KCNK9: variants seen among roughly 807,000 people sequenced by gnomAD.
The protein encoded by KCNK9 is potassium two pore domain channel subfamily K member 9.
In KCNK9, 1 loss-of-function variant was observed where a neutral mutation model predicts 10.8. The observed-to-expected ratio is 0.09, with a 90% CI of 0.03 to 0.44. The LOEUF is 0.44. Among genes scored for constraint, KCNK9 ranks in the 20% least tolerant of loss-of-function variants. KCNK9 has a pLI of 0.97. For missense variants in KCNK9, 303 were observed against 515.0 expected (o/e 0.59, Z 3.98); for synonymous variants, 231 against 222.7 (o/e 1.04, Z -0.33).
intron 1 of KCNK9, among the ~76,000 whole-genome samples, chr8:139,623,150 C>A: frequency 6.6e-6 from 1 of 152,126 alleles, no homozygotes; most frequent in East Asian, 1.9e-4. Flanking sequence ...ATAGAAAATG[C>A]ATGTATGCTG....
intron 2 of KCNK9, among the ~76,000 whole-genome samples, chr8:139,606,843 T>A (rs768494812): frequency 8.5e-5 from 13 of 152,196 alleles, no homozygotes; most frequent in Admixed American, 2.0e-4. Flanking sequence ...TTAATCTGTT[T>A]TCTTATTTAA....
intron 1 of KCNK9, among the ~76,000 whole-genome samples, chr8:139,620,024 C>T (rs1057507194): frequency 2.6e-5 from 4 of 152,158 alleles, no homozygotes; most frequent in Non-Finnish European, 4.4e-5. Flanking sequence ...TGCAGGGAAT[C>T]CAAGTCAAGA....
At chr8:139,638,878 C>T (rs1316089511) in intron 1 of KCNK9, among the ~76,000 whole-genome samples, 1 of 152,188 alleles carries the variant, frequency 6.6e-6, no homozygotes, top group African/African-American at 2.4e-5. Flanking sequence ...CGCAGGAGGC[C>T]TGGAGCGAGT....
At chr8:139,619,855 C>T (rs911532127) in intron 1 of KCNK9, among the ~76,000 whole-genome samples, 1 of 152,160 alleles carries the variant, frequency 6.6e-6, no homozygotes, top group African/African-American at 2.4e-5. Flanking sequence ...TGCTGTATTC[C>T]CCCATACCTA....
intron 1 of KCNK9, among the ~76,000 whole-genome samples, chr8:139,624,304 G>A (rs1240822184): frequency 6.6e-6 from 1 of 152,216 alleles, no homozygotes; most frequent in Non-Finnish European, 1.5e-5. Context: ...GCTGGTGACA[G>A]ACAGCACTGA....
intron 1 of KCNK9, among the ~76,000 whole-genome samples, chr8:139,665,999 G>A (rs1020056283): frequency 6.6e-6 from 1 of 152,208 alleles, no homozygotes; most frequent in African/African-American, 2.4e-5. Flanking sequence ...CAGCACCTGG[G>A]AAGTAGTGAG....
chr8:139,642,243 C>G (rs537797595), intron 1 of KCNK9, among the ~76,000 whole-genome samples: 2 of 152,090 alleles, frequency 1.3e-5, no homozygotes, highest in African/African-American at 4.8e-5. Context: ...GCAGCCTGTG[C>G]GAATGTAGTG....
At chr8:139,700,536 A>ACG in intron 1 of KCNK9, among the ~76,000 whole-genome samples, 1 of 119,046 alleles carries the variant, frequency 8.4e-6, no homozygotes, top group South Asian at 2.7e-4. Context: ...ACACACACAC[A>ACG]CACGCGCGCA....
chr8:139,624,033 C>T (rs529816959), intron 1 of KCNK9, among the ~76,000 whole-genome samples: 1 of 152,166 alleles, frequency 6.6e-6, no homozygotes, highest in Admixed American at 6.5e-5. Context: ...ATGCCTGGCA[C>T]CCCCTACAGG....
chr8:139,621,468 A>G (rs1814779792), intron 1 of KCNK9, among the ~76,000 whole-genome samples: 1 of 152,176 alleles, frequency 6.6e-6, no homozygotes, highest in Non-Finnish European at 1.5e-5. Flanking sequence ...ATACAGGGGA[A>G]CAATAATATA....
intron 1 of KCNK9, among the ~76,000 whole-genome samples, chr8:139,633,135 TCAAA>T (rs200732191): frequency 0.026 from 3,887 of 152,012 alleles, 158 homozygotes; most frequent in African/African-American, 0.087. Context: ...ACACAGGCAC[TCAAA>T]CACACACATG....
At chr8:139,668,053 T>C (rs1433236892) in intron 1 of KCNK9, among the ~76,000 whole-genome samples, 1 of 152,240 alleles carries the variant, frequency 6.6e-6, no homozygotes, top group Non-Finnish European at 1.5e-5. Flanking sequence ...GCAAGTCTAT[T>C]GGCACCATTT....
intron 1 of KCNK9, among the ~76,000 whole-genome samples, chr8:139,622,126 T>TA (rs1814804029): frequency 6.6e-6 from 1 of 152,198 alleles, no homozygotes; most frequent in South Asian, 2.1e-4. Context: ...TGACACACCA[T>TA]AGTGTTTCTC....
At chr8:139,635,075 G>A (rs1166899036) in intron 1 of KCNK9, among the ~76,000 whole-genome samples, 1 of 152,260 alleles carries the variant, frequency 6.6e-6, no homozygotes, top group African/African-American at 2.4e-5. Flanking sequence ...GGGAGCAGGA[G>A]CAGGCAGTCC....
chr8:139,628,415 C>T (rs1174462968), intron 1 of KCNK9, among the ~76,000 whole-genome samples: 1 of 152,226 alleles, frequency 6.6e-6, no homozygotes, highest in Non-Finnish European at 1.5e-5. Context: ...AATCTAAGGC[C>T]CCTTCCCACA....
intron 1 of KCNK9, among the ~76,000 whole-genome samples, chr8:139,623,892 G>T (rs148651918): frequency 1.3e-5 from 2 of 152,262 alleles, no homozygotes; most frequent in Middle Eastern, 6.8e-3. Context: ...GGGCGCCTCC[G>T]ACTGCGGGTG....
downstream of KCNK9, among the ~76,000 whole-genome samples, chr8:139,610,681 G>A (rs1227246510): frequency 1.3e-5 from 2 of 152,220 alleles, no homozygotes; most frequent in African/African-American, 4.8e-5. Flanking sequence ...GGACCCAGGA[G>A]GGACATCTAG....
chr8:139,644,915 C>A (rs1815629053), intron 1 of KCNK9, among the ~76,000 whole-genome samples: 2 of 152,140 alleles, frequency 1.3e-5, no homozygotes, highest in African/African-American at 2.4e-5. Context: ...CATCTCTGAT[C>A]TATTTGTGCC....
chr8:139,664,653 A>G (rs954269156), intron 1 of KCNK9, among the ~76,000 whole-genome samples: 1 of 152,130 alleles, frequency 6.6e-6, no homozygotes, highest in Non-Finnish European at 1.5e-5. Flanking sequence ...CCTCCACTCT[A>G]CAGTCATATC....
Sources: gnomAD v4.1 joint callset for allele counts (sites outside exome capture counted in the v4.1 genomes callset) on GRCh38, gnomAD v4.1.1 for gene constraint, MANE v1.5 for transcripts, NCBI Gene and HGNC (gene_info 2026-07-23, HGNC 2026-07-21) for gene names.